CEP112: variants seen among roughly 807,000 people sequenced by gnomAD.
CEP112 encodes centrosomal protein of 112 kDa.
A neutral mutation model predicts 153.0 loss-of-function variants in CEP112; 127 were observed. That is an observed-to-expected ratio of 0.83 (90% CI 0.72 to 0.96). The LOEUF (loss-of-function observed/expected upper bound fraction) is 0.96, where lower values mean the gene tolerates loss of function less well. Among genes scored for constraint, CEP112 ranks in the 40% least tolerant of loss-of-function variants. The probability of loss-of-function intolerance (pLI) is 0.00; values close to 1 mark genes in which losing one functional copy is unlikely to be tolerated. For missense variants in CEP112, 1,089 were observed against 1,101.2 expected (o/e 0.99, Z 0.16); for synonymous variants, 358 against 374.4 (o/e 0.96, Z 0.51).
intron 23 of CEP112, among the ~76,000 whole-genome samples, chr17:65,718,116 C>G (rs1442395458): frequency 6.6e-6 from 1 of 152,046 alleles, no homozygotes; most frequent in African/African-American, 2.4e-5. Context: ...CAAATATTTA[C>G]TATTTTTGGC....
chr17:65,992,350 AAAT>A (rs1345542074), intron 17 of CEP112, among the ~76,000 whole-genome samples: 2 of 152,180 alleles, frequency 1.3e-5, no homozygotes, highest in Non-Finnish European at 2.9e-5. Context: ...CTTTAGGGGT[AAAT>A]AATGTTTTTC....
At chr17:65,820,663 G>T (rs2056484835) in intron 21 of CEP112, among the ~76,000 whole-genome samples, 1 of 151,932 alleles carries the variant, frequency 6.6e-6, no homozygotes, top group Non-Finnish European at 1.5e-5. Flanking sequence ...TTATTCTCAG[G>T]AAGTCTCTAA....
At chr17:66,172,126 C>T (rs1598490201) in intron 4 of CEP112, among the ~76,000 whole-genome samples, 1 of 152,326 alleles carries the variant, frequency 6.6e-6, no homozygotes, top group Admixed American at 6.5e-5. Flanking sequence ...TCTACTTGTT[C>T]ATGAATGCAT....
intron 24 of CEP112, among the ~76,000 whole-genome samples, chr17:65,686,672 C>A (rs1287673401): frequency 6.6e-6 from 1 of 152,164 alleles, no homozygotes; most frequent in Admixed American, 6.6e-5. Flanking sequence ...ATGCTCCCAT[C>A]CGAGGAGGCA....
chr17:66,170,492 T>C (rs1194310480), intron 4 of CEP112, among the ~76,000 whole-genome samples: 1 of 152,106 alleles, frequency 6.6e-6, no homozygotes, highest in Non-Finnish European at 1.5e-5. Context: ...AGGCCAGGCA[T>C]GGTGGCTCAT....
chr17:66,106,608 C>G (rs2146344103), intron 6 of CEP112, among the ~76,000 whole-genome samples: 1 of 152,060 alleles, frequency 6.6e-6, no homozygotes, highest in Non-Finnish European at 1.5e-5. Context: ...AATCTAAAAC[C>G]TGACCAGAAC....
intron 6 of CEP112, among the ~76,000 whole-genome samples, chr17:66,116,883 T>C (rs977653322): frequency 2.7e-4 from 40 of 149,618 alleles, no homozygotes; most frequent in Non-Finnish European, 4.6e-4. Flanking sequence ...TTTTTTTTTT[T>C]CTGAGACGGA....
At chr17:66,064,125 T>C (rs2067025213) in intron 10 of CEP112, among the ~76,000 whole-genome samples, 1 of 152,204 alleles carries the variant, frequency 6.6e-6, no homozygotes, top group Admixed American at 6.5e-5. Flanking sequence ...TTATTAACAT[T>C]ATAGTGATTT....
intron 21 of CEP112, among the ~76,000 whole-genome samples, chr17:65,837,797 C>T (rs1012284769): frequency 1.1e-3 from 167 of 152,274 alleles, no homozygotes; most frequent in Non-Finnish European, 2.1e-3. Context: ...CCCCCAACCC[C>T]GTGCTCTCTG....
At chr17:66,188,131 C>T (rs2073006450) in intron 1 of CEP112, among the ~76,000 whole-genome samples, 1 of 152,098 alleles carries the variant, frequency 6.6e-6, no homozygotes, top group Non-Finnish European at 1.5e-5. Context: ...ATTTTCCTCA[C>T]CTGCTCCAGA....
At chr17:66,061,671 G>C (rs117930011) in intron 11 of CEP112, among the ~76,000 whole-genome samples, 2 of 152,166 alleles carry the variant, frequency 1.3e-5, no homozygotes, top group Non-Finnish European at 2.9e-5. Context: ...GAAGGACATT[G>C]TGTTCAGTGG....
chr17:66,156,429 C>A (rs1397607412), intron 4 of CEP112, among the ~76,000 whole-genome samples: 15 of 152,126 alleles, frequency 9.9e-5, no homozygotes, highest in Non-Finnish European at 4.4e-5. Flanking sequence ...TGAGGAAAAA[C>A]CAGCACAAAA....
intron 21 of CEP112, among the ~76,000 whole-genome samples, chr17:65,773,389 C>T (rs2053494319): frequency 1.4e-5 from 2 of 147,352 alleles, no homozygotes; most frequent in East Asian, 4.0e-4. Flanking sequence ...TTGCCAACAA[C>T]CTTTTTACTG....
intron 6 of CEP112, among the ~76,000 whole-genome samples, chr17:66,099,504 CAAAAAAAAA>C (rs71160532): frequency 1.8e-5 from 2 of 113,964 alleles, no homozygotes; most frequent in South Asian, 3.3e-4. Flanking sequence ...AACTCTGTCT[CAAAAAAAAA>C]AAAAAAAAAA....
intron 21 of CEP112, among the ~76,000 whole-genome samples, chr17:65,799,280 C>A (rs942166599): frequency 6.6e-6 from 1 of 152,130 alleles, no homozygotes; most frequent in African/African-American, 2.4e-5. Context: ...CTCTTGACAG[C>A]TTAAAGAAGC....
Position 66,053,815 on chromosome 17 carries a change from T to C in CEP112, c.1139A>G (p.Asn380Ser), listed in dbSNP as rs1293480120. ...KFDLQKQHTE[N>S]IQELLEDTNV... ...TGTATCCTCAAGCAATTCTTGAATG[T>C]TTTCAGTGTGTTGCTTTTGAAGATC... The change falls in exon 12 of 27, where the codon AAC becomes AGC. Residue 380 changes from asparagine (N) to serine (S), a missense_variant. Transcript: ENST00000535342. 1 of 1,612,964 alleles carries C rather than the reference T, an allele frequency of 6.2e-7. No individual in the cohort carries two copies. Among genetic ancestry groups the C allele is most frequent in the South Asian group, 1.1e-5 (1 of 90,772 alleles).
intron 4 of CEP112, among the ~76,000 whole-genome samples, chr17:66,135,320 G>A (rs2070386898): frequency 6.6e-6 from 1 of 152,168 alleles, no homozygotes; most frequent in Non-Finnish European, 1.5e-5. Context: ...CCATAAGACT[G>A]TCTCCAGCTG....
At chr17:65,905,193 CA>C (rs1233112960) in intron 19 of CEP112, among the ~76,000 whole-genome samples, 1 of 151,790 alleles carries the variant, frequency 6.6e-6, no homozygotes, top group Admixed American at 6.6e-5. Context: ...AAAATTTTTG[CA>C]ATCTATCTAT....
chr17:65,856,314 T>A (rs1462732451), intron 20 of CEP112, among the ~76,000 whole-genome samples: 1 of 152,102 alleles, frequency 6.6e-6, no homozygotes, highest in Non-Finnish European at 1.5e-5. Flanking sequence ...GAAAAGCTAA[T>A]ATTTGTGGAG....
Sources: gnomAD v4.1 joint callset for allele counts (sites outside exome capture counted in the v4.1 genomes callset) on GRCh38, gnomAD v4.1.1 for gene constraint, MANE v1.5 for transcripts, NCBI Gene and HGNC (gene_info 2026-07-23, HGNC 2026-07-21) for gene names.